The following CDH13 variants were observed in gnomAD, a reference collection of about 807,000 sequenced individuals.
CDH13 encodes the protein cadherin-13.
Under a neutral mutation model 63.8 loss-of-function variants are expected in CDH13, and 24 were observed. The observed-to-expected ratio is 0.38, with a 90% CI of 0.27 to 0.53. The LOEUF (loss-of-function observed/expected upper bound fraction) is 0.53, where lower values mean the gene tolerates loss of function less well. CDH13 is among the 20% of genes least tolerant of loss of function. The probability of loss-of-function intolerance (pLI) is 0.85; values close to 1 mark genes in which losing one functional copy is unlikely to be tolerated. For missense variants in CDH13, 1,049 were observed against 903.1 expected, an observed-to-expected ratio of 1.16 and a Z score of -2.07; for synonymous variants, 503 against 355.3, an observed-to-expected ratio of 1.42 and a Z score of -4.67.
intron 5 of CDH13, among the ~76,000 whole-genome samples, chr16:83,294,370 C>T (rs184723205): frequency 6.6e-6 from 1 of 152,034 alleles, no homozygotes; most frequent in Non-Finnish European, 1.5e-5. Flanking sequence ...TATCTTTTGG[C>T]CAACATCTCC....
Position 83,300,189 on chromosome 16 carries a change from T to C in CDH13, c.637-44673T>C, listed in dbSNP as rs190687088. Among the ~76,000 whole-genome samples the C allele has an allele frequency of 2.6e-5, 4 of 152,350 alleles. No homozygotes were observed. In the East Asian group the frequency reaches 7.7e-4, roughly 29 times the overall value. Reference sequence around the variant, plus strand: ...GTCAAGGATATGCTCATAGAGCTGATAGACAGTGATAAAACCTCAGCAACT... The same window carrying C: ...GTCAAGGATATGCTCATAGAGCTGACAGACAGTGATAAAACCTCAGCAACT... On this transcript the variant is annotated intron_variant, in intron 5 of 13. Transcript: ENST00000567109.
chr16:83,670,308 A>G (rs1914388561), intron 8 of CDH13, among the ~76,000 whole-genome samples: 1 of 152,198 alleles, frequency 6.6e-6, no homozygotes, highest in Non-Finnish European at 1.5e-5. Flanking sequence ...AACAAATGCA[A>G]ACAAAAATGG....
chr16:83,356,044 C>G (rs1281063439), intron 6 of CDH13, among the ~76,000 whole-genome samples: 1 of 152,170 alleles, frequency 6.6e-6, no homozygotes, highest in Non-Finnish European at 1.5e-5. Flanking sequence ...GATCGAAACT[C>G]AGACCTGTAT....
At chr16:82,744,954 A>G (rs16958456) in intron 1 of CDH13, among the ~76,000 whole-genome samples, 25,148 of 152,202 alleles carry the variant, frequency 0.17, 2,381 homozygotes, top group East Asian at 0.43. Flanking sequence ...AAATAGCCAT[A>G]TGTCTCATAG....
At chr16:82,642,621 G>T (rs1012728810) in intron 1 of CDH13, among the ~76,000 whole-genome samples, 1 of 152,144 alleles carries the variant, frequency 6.6e-6, no homozygotes, top group Non-Finnish European at 1.5e-5. Context: ...CGTAAGGCAA[G>T]ACCTGTTTTC....
chr16:83,686,902 T>C lies in CDH13; in HGVS notation c.1538+8441T>C, dbSNP rs151184435. ...TTGGGGGTGACTGCATGCACACATT[T>C]TTCTGCATTAAGTAGACATGGGTTG... On this transcript the variant is annotated intron_variant, in intron 10 of 13. Transcript: ENST00000567109. Among the ~76,000 whole-genome samples the C allele has an allele frequency of 1.1e-4, 16 of 152,284 alleles. No homozygotes were observed. The East Asian group carries it at 2.9e-3, about 28-fold the overall frequency.
At chr16:83,118,003 G>A (rs2035390155) in intron 3 of CDH13, among the ~76,000 whole-genome samples, 1 of 152,186 alleles carries the variant, frequency 6.6e-6, no homozygotes, top group Non-Finnish European at 1.5e-5. Flanking sequence ...CTTTGTGTAG[G>A]GATGACAGTC....
chr16:83,134,638 G>A (rs1430226937), intron 4 of CDH13, among the ~76,000 whole-genome samples: 2 of 149,572 alleles, frequency 1.3e-5, no homozygotes, highest in African/African-American at 4.9e-5. Context: ...GTATATGATG[G>A]TGTTTTAATT....
intron 5 of CDH13, among the ~76,000 whole-genome samples, chr16:83,269,665 A>G (rs1041883042): frequency 6.6e-6 from 1 of 152,188 alleles, no homozygotes; most frequent in Non-Finnish European, 1.5e-5. Context: ...CTATCATTTC[A>G]CACACTGACC....
chr16:82,994,422 A>T (rs1194552056), intron 2 of CDH13, among the ~76,000 whole-genome samples: 1 of 152,042 alleles, frequency 6.6e-6, no homozygotes, highest in East Asian at 1.9e-4. Flanking sequence ...AGGGGCAGGG[A>T]TTTCCCTGCT....
At chr16:82,746,283 TGTATGATGCATG>T (rs1298602439) in intron 1 of CDH13, among the ~76,000 whole-genome samples, 61 of 143,146 alleles carry the variant, frequency 4.3e-4, no homozygotes, top group Non-Finnish European at 5.0e-4. Context: ...ACACACTGTA[TGTATGATGCATG>T]TATATATACA....
intron 1 of CDH13, among the ~76,000 whole-genome samples, chr16:82,678,119 T>C (rs1914137119): frequency 1.3e-5 from 2 of 152,272 alleles, no homozygotes; most frequent in South Asian, 4.1e-4. Flanking sequence ...ATGGAAGGTA[T>C]CTAGTACGGG....
Position 83,058,678 on chromosome 16 carries a change from G to T in CDH13, c.366+26460G>T, listed in dbSNP as rs984780810. ...GGTGTAAGTGTCTCCTGTGTAAATA[G>T]AACTAAATATTTAGGAAAGAAAACA... is the stretch of plus-strand genomic sequence containing the variant. On this transcript the variant is annotated intron_variant, in intron 3 of 13. Transcript: ENST00000567109. 3.9e-5 allele frequency among the ~76,000 whole-genome samples: 6 copies of T among 152,224 alleles called. No homozygotes were observed. The East Asian group carries it at 1.2e-3, about 29-fold the overall frequency.
At chr16:82,789,466 C>A (rs1359237624) in intron 1 of CDH13, among the ~76,000 whole-genome samples, 1 of 152,144 alleles carries the variant, frequency 6.6e-6, no homozygotes, top group Non-Finnish European at 1.5e-5. Context: ...ACTGTCTAGA[C>A]TTAGTGGTGT....
At chr16:82,940,791 G>T (rs1904278132) in intron 2 of CDH13, among the ~76,000 whole-genome samples, 1 of 152,098 alleles carries the variant, frequency 6.6e-6, no homozygotes, top group African/African-American at 2.4e-5. Context: ...GTGTTTAAAG[G>T]GAACCCTTAT....
At chr16:82,643,970 G>A (rs148813640) in intron 1 of CDH13, among the ~76,000 whole-genome samples, 4 of 151,936 alleles carry the variant, frequency 2.6e-5, no homozygotes, top group East Asian at 1.9e-4. Context: ...TGCTGGTCTC[G>A]AACTCCTGGC....
intron 7 of CDH13, among the ~76,000 whole-genome samples, chr16:83,564,242 T>C (rs1007286952): frequency 8.6e-5 from 13 of 152,040 alleles, no homozygotes; most frequent in African/African-American, 2.9e-4. Flanking sequence ...TATTTTCAAG[T>C]AGCTCAAAAT....
intron 8 of CDH13, among the ~76,000 whole-genome samples, chr16:83,645,007 A>T (rs1222868395): frequency 6.6e-6 from 1 of 152,088 alleles, no homozygotes; most frequent in Non-Finnish European, 1.5e-5. Context: ...CTTGAACCTA[A>T]CCCCATTCCT....
intron 2 of CDH13, among the ~76,000 whole-genome samples, chr16:83,024,632 T>A (rs141607763): frequency 8.5e-5 from 13 of 152,174 alleles, no homozygotes; most frequent in African/African-American, 3.1e-4. Flanking sequence ...CTACCTCAAA[T>A]TGATGATGTG....
Sources: allele counts gnomAD v4.1 joint callset (sites outside exome capture counted in the v4.1 genomes callset), GRCh38; gene constraint gnomAD v4.1.1; transcripts MANE v1.5; gene names NCBI Gene and HGNC (gene_info 2026-07-23, HGNC 2026-07-21).